The following EXOSC2 variants were observed in gnomAD, a reference collection of about 807,000 sequenced individuals.
The protein encoded by EXOSC2 is exosome component 2.
Under a neutral mutation model 37.6 loss-of-function variants are expected in EXOSC2, and 29 were observed. The ratio of observed to expected loss-of-function variants is 0.77; its 90% CI spans 0.57 to 1.05. The LOEUF (loss-of-function observed/expected upper bound fraction) is 1.05, where lower values mean the gene tolerates loss of function less well. EXOSC2 is among the 50% of genes least tolerant of loss of function. EXOSC2 has a pLI of 0.00. For synonymous variants in EXOSC2, 119 were observed against 131.1 expected, an observed-to-expected ratio of 0.91 and a Z score of 0.63; for missense variants, 346 against 365.6, an observed-to-expected ratio of 0.95 and a Z score of 0.44.
chr9:130,702,041 A>G, intron 6 of EXOSC2, 93 bp from the exon 7 acceptor site: 3 of 1,485,226 alleles, frequency 2.0e-6, no homozygotes, highest in South Asian at 2.8e-5. Context: ...AAGGACACCA[A>G]TTTGAATATA....
chr9:130,693,893 T>A lies in EXOSC2; in HGVS notation c.102T>A (p.Thr34=), dbSNP rs756382553. The A allele has an allele frequency of 1.9e-6, 3 of 1,610,566 alleles. No individual in the cohort carries two copies. Among genetic ancestry groups the A allele is most frequent in the Non-Finnish European group, 1.7e-6 (2 of 1,177,500 alleles). Residue 34 remains threonine (T), a synonymous_variant, in exon 1 of 9, where the codon ACT becomes ACA. Transcript: ENST00000372358. ...KHLVVPGDTI[T]TDTGFMRGHG... is the part of the protein sequence containing the mutation. ...TAGTGGTGCCGGGGGATACAATCAC[T>A]ACGGACACAGGATTCATGCGGTACG...
intron 2 of EXOSC2, 84 bp from the exon 3 acceptor site, chr9:130,697,498 G>A (rs1831121058): frequency 7.3e-7 from 1 of 1,366,652 alleles, no homozygotes; most frequent in Non-Finnish European, 1.0e-6. Context: ...CTTTCACCCT[G>A]TTGAACCGAC....
At position 130,703,137 on chromosome 9, in the gene EXOSC2, G is replaced by C; in HGVS notation, c.757G>C (p.Asp253His). 1.2e-6 allele frequency: 2 copies of C among 1,613,872 alleles called. No individual in the cohort carries two copies. Among genetic ancestry groups the C allele is most frequent in the Non-Finnish European group, 1.7e-6 (2 of 1,179,840 alleles). ...SLVTQRMMLYDTSILYCYEAS... is the reference protein window; with the variant it reads ...SLVTQRMMLYHTSILYCYEAS... ...GGTAACTCAGAGGATGATGCTGTAT[G>C]ATACCAGCATCCTGTACTGCTATGA... is the stretch of plus-strand genomic sequence containing the variant. The change falls in exon 8 of 9, where the codon GAT becomes CAT. Residue 253 changes from aspartate to histidine, a missense_variant. Physicochemically the swap from Asp to His is moderately conservative, Grantham distance 81. Coordinates refer to ENST00000372358, the MANE Select transcript of EXOSC2 (RefSeq NM_014285.7).
Position 130,700,878 on chromosome 9 carries a change from G to C in EXOSC2, c.438G>C (p.Gln146His), listed in dbSNP as rs1399908106. 2 of 1,614,090 alleles carry C rather than the reference G, an allele frequency of 1.2e-6. No homozygotes were observed. The highest frequency in any genetic ancestry group is 1.1e-5 in the South Asian group (1 of 91,082). The part of the protein sequence containing the change: ...QEGDLISAEV[Q>H]AVFSDGAVSL... Reference sequence around the variant, plus strand: ...ATCACCCTGGCCAGGCTGAGGTCCAGGCAGTGTTCTCTGACGGAGCTGTCT... The same window carrying C: ...ATCACCCTGGCCAGGCTGAGGTCCACGCAGTGTTCTCTGACGGAGCTGTCT... The change falls in exon 6 of 9, where the codon CAG becomes CAC. Residue 146 changes from glutamine to histidine, a missense_variant. Transcript: ENST00000372358.
chr9:130,703,142 C>T lies in EXOSC2; in HGVS notation c.762C>T (p.Thr254=), dbSNP rs1831256268. 1 of 1,613,754 alleles carries T rather than the reference C, an allele frequency of 6.2e-7. No individual in the cohort carries two copies. Among genetic ancestry groups the T allele is most frequent in the African/African-American group, 1.3e-5 (1 of 74,906 alleles). The change falls in exon 8 of 9, where the codon ACC becomes ACT. Residue 254 remains threonine, a synonymous_variant. Transcript: ENST00000372358. The part of the protein sequence containing the change: ...LVTQRMMLYD[T]SILYCYEASL... Reference sequence around the variant, plus strand: ...CTCAGAGGATGATGCTGTATGATACCAGCATCCTGTACTGCTATGAAGCAT... The same window carrying T: ...CTCAGAGGATGATGCTGTATGATACTAGCATCCTGTACTGCTATGAAGCAT...
intron 2 of EXOSC2, among the ~76,000 whole-genome samples, chr9:130,695,855 CTTTT>C (rs397721632): frequency 9.0e-6 from 1 of 111,206 alleles, no homozygotes; most frequent in Admixed American, 1.1e-4. Context: ...AGGATTTTCT[CTTTT>C]TTTTTTTTTT....
rs1831122729 is a variant in EXOSC2 at position 130,697,578 on chromosome 9, T to G, written c.225-4T>G. On this transcript the variant is annotated splice_polypyrimidine_tract_variant and splice_region_variant and intron_variant, in intron 2 of 8. Transcript: ENST00000372358. ...GGATGAACCCCTTGTGTTTTGTCTT[T>G]CAGATACATTGGTGAAGTAGGAGAC... 1 of 1,614,040 alleles carries G rather than the reference T, an allele frequency of 6.2e-7. No homozygotes were observed. The highest frequency in any genetic ancestry group is 2.2e-5 in the East Asian group (1 of 44,874).
At chr9:130,700,797 G>C (rs1831198402) in intron 5 of EXOSC2, 70 bp from the exon 6 acceptor site, 18 of 1,451,514 alleles carry the variant, frequency 1.2e-5, no homozygotes, top group Non-Finnish European at 1.6e-5. Flanking sequence ...TGGGGTCAAG[G>C]GGAGAGGCTG....
In EXOSC2 at chr9:130,703,800, G is replaced by A. The variant is rs1564260132; in HGVS notation, c.*26G>A. On this transcript the variant is annotated 3_prime_UTR_variant, in exon 9 of 9. Coordinates refer to ENST00000372358, the MANE Select transcript of EXOSC2 (RefSeq NM_014285.7). Reference sequence around the variant, plus strand: ...GGAGGTGCTCCAGAAGCACGGGACTGTGGACCTTGCAGGAGTGAAGACTGT... The same window carrying A: ...GGAGGTGCTCCAGAAGCACGGGACTATGGACCTTGCAGGAGTGAAGACTGT... 1 of 1,585,984 alleles carries A rather than the reference G, an allele frequency of 6.3e-7. No homozygotes were observed. Among genetic ancestry groups the A allele is most frequent in the Non-Finnish European group, 8.6e-7 (1 of 1,156,912 alleles).
At position 130,694,061 on chromosome 9, in the gene EXOSC2, C is replaced by T; in HGVS notation, c.122+148C>T. On this transcript the variant is annotated intron_variant, in intron 1 of 8. Transcript: ENST00000372358. This position sits in a 1 kb window ranked among gnomAD's most constrained non-coding sequence, Gnocchi z 4.0. ...CATCCTACACACCTCGCTTCCGAGC[C>T]TCGTGCTTCTTGCTCCCTGCATCTT... 1 of 908,840 alleles carries T rather than the reference C, an allele frequency of 1.1e-6. No individual in the cohort carries two copies. Among genetic ancestry groups the T allele is most frequent in the Non-Finnish European group, 1.5e-6 (1 of 647,800 alleles). 56.3% of individuals were successfully genotyped at this position (908,840 alleles called of 1,614,324 possible). A position where few individuals can be genotyped will look rare whatever the true frequency, so the allele number is the denominator to read the frequency against.
At position 130,693,804 on chromosome 9, in the gene EXOSC2, A is replaced by C. The variant is rs763460421; in HGVS notation, c.13A>C (p.Met5Leu). ...CATTGGCGCCAAGATGGCGATGGAG[A>C]TGAGGCTTCCAGTGGCTCGCAAGCC... MAMEMRLPVARKPLS... is the reference protein window; with the variant it reads MAMELRLPVARKPLS... Residue 5 changes from methionine to leucine, a missense_variant, in exon 1 of 9, where the codon ATG becomes CTG. By Grantham distance (15) the Met-to-Leu change is conservative. Transcript: ENST00000372358. 7 of 1,607,076 alleles carry C rather than the reference A, an allele frequency of 4.4e-6. No individual in the cohort carries two copies. The Admixed American group carries it at 1.0e-4, about 23-fold the overall frequency.
At chr9:130,696,293 G>A (rs150647392) in intron 2 of EXOSC2, among the ~76,000 whole-genome samples, 2 of 152,226 alleles carry the variant, frequency 1.3e-5, no homozygotes, top group Non-Finnish European at 2.9e-5. Context: ...AGTGAGTGAG[G>A]GGGAGAGAAG....
chr9:130,701,896 CA>C, intron 6 of EXOSC2: 1 of 1,327,192 alleles, frequency 7.5e-7, no homozygotes, highest in South Asian at 1.8e-5. Context: ...AGGAAGACTG[CA>C]AAGGGAAATG....
Position 130,697,582 on chromosome 9 carries a change from A to G in EXOSC2, c.225A>G (p.Arg75=), listed in dbSNP as rs1461008899. Reference sequence around the variant, plus strand: ...GAACCCCTTGTGTTTTGTCTTTCAGATACATTGGTGAAGTAGGAGACATCG... The same window carrying G: ...GAACCCCTTGTGTTTTGTCTTTCAGGTACATTGGTGAAGTAGGAGACATCG... ...KLICVKALKT[R]YIGEVGDIVV... The change falls in exon 3 of 9, where the codon AGA becomes AGG. Residue 75 remains arginine (R), a splice_region_variant and synonymous_variant. Coordinates refer to ENST00000372358, the MANE Select transcript of EXOSC2 (RefSeq NM_014285.7). 6.2e-7 allele frequency: 1 copy of G among 1,613,940 alleles called. No homozygotes were observed. The highest frequency in any genetic ancestry group is 8.5e-7 in the Non-Finnish European group (1 of 1,179,932).
chr9:130,702,917 A>C, intron 7 of EXOSC2, 136 bp from the exon 8 acceptor site: 1 of 1,040,440 alleles, frequency 9.6e-7, no homozygotes, highest in East Asian at 2.6e-5. Context: ...CTCCCTTGGA[A>C]TTAGCTGTTT....
intron 8 of EXOSC2, 149 bp downstream of exon 8, chr9:130,703,330 C>G (rs1438784669): frequency 1.1e-6 from 1 of 928,106 alleles, no homozygotes; most frequent in Non-Finnish European, 1.5e-6. Context: ...TCTGGTAGAT[C>G]TTTCCCTAAG....
chr9:130,698,191 C>G lies in EXOSC2; in HGVS notation c.300C>G (p.Thr100=). Residue 100 remains threonine, a synonymous_variant, in exon 4 of 9, where the codon ACC becomes ACG. Coordinates refer to ENST00000372358, the MANE Select transcript of EXOSC2 (RefSeq NM_014285.7). This position sits in a 1 kb window ranked among gnomAD's most constrained non-coding sequence, Gnocchi z 4.1. The stretch of plus-strand genomic sequence containing the variant: ...AACAGAAGAGGTGGAAGGTGGAGAC[C>G]AACTCCAGGCTGGATTCGGTCTTGC... ...EVQQKRWKVE[T]NSRLDSVLLL... The G allele has an allele frequency of 6.2e-7, 1 of 1,614,074 alleles. No homozygotes were observed. Among genetic ancestry groups the G allele is most frequent in the Non-Finnish European group, 8.5e-7 (1 of 1,180,004 alleles).
At position 130,703,934 on chromosome 9, in the gene EXOSC2, C is replaced by T; in HGVS notation, c.*160C>T. 1.8e-6 allele frequency: 1 copy of T among 547,718 alleles called. No homozygotes were observed. Among genetic ancestry groups the T allele is most frequent in the South Asian group, 3.0e-5 (1 of 33,348 alleles). 33.9% of individuals were successfully genotyped at this position (547,718 alleles called of 1,614,324 possible). On this transcript the variant is annotated 3_prime_UTR_variant, in exon 9 of 9. Coordinates refer to ENST00000372358, the MANE Select transcript of EXOSC2 (RefSeq NM_014285.7). ...GCCCACAGGCCTGCTTTCTCCTGTC[C>T]TAACACCAAGCCTGGGTGGCAGATG... is the stretch of plus-strand genomic sequence containing the variant.
At position 130,704,002 on chromosome 9, in the gene EXOSC2, GA is replaced by G. The variant is rs1831274645; in HGVS notation, c.*230del. 2 of 390,788 alleles carry G rather than the reference GA, an allele frequency of 5.1e-6. No individual in the cohort carries two copies. The highest frequency in any genetic ancestry group is 9.2e-6 in the Non-Finnish European group (2 of 217,924). The allele number at this position is 390,788 out of a possible 1,614,324, so 24.2% of individuals were successfully genotyped here. On this transcript the variant is annotated 3_prime_UTR_variant, in exon 9 of 9. Coordinates refer to ENST00000372358, the MANE Select transcript of EXOSC2 (RefSeq NM_014285.7). ...TTGCCAGCTGAGTCCCGGTATTAGG[GA>G]ATAGTTTCAGCTCTTTCAAAGTGCA...
Sources: allele counts gnomAD v4.1 joint callset (sites outside exome capture counted in the v4.1 genomes callset), GRCh38; gene constraint gnomAD v4.1.1; non-coding constraint Gnocchi (gnomAD v3.1); transcripts MANE v1.5; gene names NCBI Gene and HGNC (gene_info 2026-07-23, HGNC 2026-07-21).